Variants in EHBP1 observed in about 807,000 individuals in gnomAD.
EHBP1 encodes EH domain-binding protein 1.
In EHBP1, 55 loss-of-function variants were observed where a neutral mutation model predicts 144.0. The observed-to-expected ratio is 0.38, with a 90% confidence interval of 0.31 to 0.48. The LOEUF is 0.48. Ranked by LOEUF, EHBP1 falls within the 20% of genes least tolerant of loss-of-function variation. The pLI is 0.98. For synonymous variants in EHBP1, 469 were observed against 472.7 expected (o/e 0.99, Z 0.10); for missense variants, 1,200 against 1,364.2 (o/e 0.88, Z 1.90).
At chr2:63,015,346 C>T (rs1359878743) in intron 19 of EHBP1, among the ~76,000 whole-genome samples, 6 of 152,122 alleles carry the variant, frequency 3.9e-5, no homozygotes, top group African/African-American at 1.4e-4. Flanking sequence ...AGACTATCTT[C>T]TAAATATAAC....
At chr2:62,964,568 T>G (rs1307148976) in intron 14 of EHBP1, among the ~76,000 whole-genome samples, 2 of 152,228 alleles carry the variant, frequency 1.3e-5, no homozygotes, top group Non-Finnish European at 2.9e-5. Context: ...ACTAATTGTG[T>G]GCTATTGTAT....
intron 8 of EHBP1, 126 bp from the exon 9 acceptor site, chr2:62,864,605 C>A: frequency 1.2e-6 from 1 of 854,640 alleles, no homozygotes; most frequent in Non-Finnish European, 1.8e-6. Context: ...TTTATTATTG[C>A]TTTGCTCTTT....
At chr2:62,674,396 T>G (rs1304202876) in intron 1 of EHBP1, among the ~76,000 whole-genome samples, 1 of 152,226 alleles carries the variant, frequency 6.6e-6, no homozygotes, top group Non-Finnish European at 1.5e-5. Context: ...TGTTGAAATA[T>G]CCTCAATTTT....
intron 2 of EHBP1, among the ~76,000 whole-genome samples, chr2:62,717,638 T>C (rs1470102803): frequency 6.6e-6 from 1 of 152,234 alleles, no homozygotes; most frequent in Non-Finnish European, 1.5e-5. Flanking sequence ...TTAGTAAGTT[T>C]GGTTTATTAA....
chr2:63,025,520 T>C (rs568932073), intron 19 of EHBP1, among the ~76,000 whole-genome samples: 41 of 152,308 alleles, frequency 2.7e-4, no homozygotes, highest in African/African-American at 9.9e-4. Flanking sequence ...ACTTCGGCCA[T>C]CCAAAGTGCT....
Position 62,997,427 on chromosome 2 carries a change from C to CGTGT in EHBP1, c.3103+661_3103+662insGTGT, listed in dbSNP as rs748541351. Among the ~76,000 whole-genome samples the CGTGT allele has an allele frequency of 6.7e-3, 933 of 139,952 alleles. 17 individuals are homozygous for CGTGT. Among genetic ancestry groups the CGTGT allele is most frequent in the South Asian group, 0.011 (45 of 4,140 alleles). 91.8% of individuals were successfully genotyped at this position (139,952 alleles called of 152,430 possible). On this transcript the variant is annotated intron_variant, in intron 19 of 22. Transcript: ENST00000431489. Reference sequence around the variant, plus strand: ...CACAATAAGCAATTGGAAAGGAACTCATGTGTGTGTGTGTGTGTGTGTGTG... The same window carrying CGTGT: ...CACAATAAGCAATTGGAAAGGAACTCGTGTATGTGTGTGTGTGTGTGTGTGTGTG...
chr2:62,951,782 C>G (rs144238810), intron 13 of EHBP1, among the ~76,000 whole-genome samples: 15 of 152,128 alleles, frequency 9.9e-5, no homozygotes, highest in Non-Finnish European at 2.1e-4. Context: ...GCCTCAGTCT[C>G]CCAAAGTACT....
At chr2:62,957,447 C>T (rs755884830) in intron 14 of EHBP1, among the ~76,000 whole-genome samples, 17 of 151,892 alleles carry the variant, frequency 1.1e-4, no homozygotes, top group Non-Finnish European at 2.2e-4. Context: ...GATTAAAAGA[C>T]AGGAAAGTCC....
At chr2:62,738,761 A>G (rs949649423) in intron 2 of EHBP1, among the ~76,000 whole-genome samples, 1 of 152,168 alleles carries the variant, frequency 6.6e-6, no homozygotes, top group African/African-American at 2.4e-5. Context: ...TTGCTCACCT[A>G]ATGAAAAATA....
chr2:62,894,021 G>A (rs1252748619), intron 10 of EHBP1, among the ~76,000 whole-genome samples: 4 of 151,668 alleles, frequency 2.6e-5, no homozygotes, highest in Non-Finnish European at 1.5e-5. Context: ...CTCCAGCCTG[G>A]GTGACAGAGC....
rs561627938 is a variant in EHBP1 at position 62,691,136 on chromosome 2, G to C, written c.-295-15761G>C. Among the ~76,000 whole-genome samples, 6 of 152,304 alleles carry C rather than the reference G, an allele frequency of 3.9e-5. No individual in the cohort carries two copies. In the South Asian group the frequency reaches 1.0e-3, roughly 26 times the overall value. Reference sequence around the variant, plus strand: ...TCTTTTTATCCTTCATAAGCTGACTGTGTTAGTTAGAATTAAATATCTTTA... The same window carrying C: ...TCTTTTTATCCTTCATAAGCTGACTCTGTTAGTTAGAATTAAATATCTTTA... On this transcript the variant is annotated intron_variant, in intron 1 of 22. Coordinates refer to the EHBP1 transcript ENST00000405015.
chr2:62,778,513 C>T (rs891865514), intron 5 of EHBP1, among the ~76,000 whole-genome samples: 1 of 148,190 alleles, frequency 6.7e-6, no homozygotes, highest in Admixed American at 6.8e-5. Context: ...CACTGTACTC[C>T]AGCCTGGGCG....
At chr2:63,026,198 ACT>A (rs973270926) in intron 19 of EHBP1, among the ~76,000 whole-genome samples, 22 of 151,966 alleles carry the variant, frequency 1.4e-4, no homozygotes, top group African/African-American at 4.3e-4. Flanking sequence ...AAACTCTGAC[ACT>A]CTGCTGGGAG....
chr2:62,788,296 C>A (rs1483947878), intron 5 of EHBP1, among the ~76,000 whole-genome samples: 1 of 152,038 alleles, frequency 6.6e-6, no homozygotes, highest in African/African-American at 2.4e-5. Context: ...AATCACCCAA[C>A]TTCTGCCCAC....
At chr2:62,900,763 A>G (rs2053351366) in intron 10 of EHBP1, among the ~76,000 whole-genome samples, 1 of 150,798 alleles carries the variant, frequency 6.6e-6, no homozygotes, top group South Asian at 2.1e-4. Flanking sequence ...ATTATAGTAA[A>G]ATATATTGGT....
At chr2:62,987,827 T>C (rs2059259936) in intron 15 of EHBP1, 1 of 595,548 alleles carries the variant, frequency 1.7e-6, no homozygotes, top group South Asian at 2.9e-5. Flanking sequence ...CAGACCTGAA[T>C]TTGAATAACT....
At chr2:62,892,647 C>T (rs1331666378) in intron 10 of EHBP1, among the ~76,000 whole-genome samples, 1 of 152,082 alleles carries the variant, frequency 6.6e-6, no homozygotes, top group Non-Finnish European at 1.5e-5. Flanking sequence ...TTACCTTATA[C>T]AGCAGATGTT....
chr2:62,952,263 G>T (rs1270104261), intron 13 of EHBP1, among the ~76,000 whole-genome samples: 8 of 152,092 alleles, frequency 5.3e-5, no homozygotes, highest in Non-Finnish European at 1.0e-4. Flanking sequence ...GCTGACATTT[G>T]GTAGGCTTTT....
chr2:62,732,838 T>C (rs1216022451), intron 2 of EHBP1, among the ~76,000 whole-genome samples: 1 of 152,210 alleles, frequency 6.6e-6, no homozygotes, highest in African/African-American at 2.4e-5. Context: ...TTTTTCCCAA[T>C]TCTTCTATTT....
Sources: gnomAD v4.1 joint callset for allele counts (sites outside exome capture counted in the v4.1 genomes callset) on GRCh38, gnomAD v4.1.1 for gene constraint, MANE v1.5 for transcripts, NCBI Gene and HGNC (gene_info 2026-07-23, HGNC 2026-07-21) for gene names.